Variants in NPAS3 observed in about 807,000 individuals in gnomAD.
The protein encoded by NPAS3 is neuronal PAS domain protein 3.
A neutral mutation model predicts 73.1 loss-of-function variants in NPAS3; 14 were observed. The observed-to-expected ratio is 0.19, with a 90% CI of 0.13 to 0.30. The LOEUF (loss-of-function observed/expected upper bound fraction) is 0.30, where lower values mean the gene tolerates loss of function less well. NPAS3 is among the 10% of genes least tolerant of loss of function. The probability of loss-of-function intolerance (pLI) is 1.00; values close to 1 mark genes in which losing one functional copy is unlikely to be tolerated. For missense variants in NPAS3, 1,096 were observed against 1,250.0 expected, an observed-to-expected ratio of 0.88 and a Z score of 1.86; for synonymous variants, 620 against 541.5, an observed-to-expected ratio of 1.14 and a Z score of -2.01.
chr14:33,762,852 A>T (rs1485874250), intron 7 of NPAS3, among the ~76,000 whole-genome samples: 1 of 152,254 alleles, frequency 6.6e-6, no homozygotes, highest in South Asian at 2.1e-4. Context: ...CTGAATAGAT[A>T]ATAACCTGTG....
intron 7 of NPAS3, among the ~76,000 whole-genome samples, chr14:33,756,575 A>T (rs548132654): frequency 6.6e-6 from 1 of 152,160 alleles, no homozygotes; most frequent in South Asian, 2.1e-4. Context: ...ATAACCAAAC[A>T]CTTCATCTCT....
chr14:33,307,612 T>TGTGTGTGTGTGTGTGTG (rs9322923), intron 3 of NPAS3, among the ~76,000 whole-genome samples: 3 of 149,588 alleles, frequency 2.0e-5, no homozygotes, highest in African/African-American at 2.5e-5. Context: ...TGTGTGTGTG[T>TGTGTGTGTGTGTGTGTG]TCGTGTGCGT....
intron 5 of NPAS3, among the ~76,000 whole-genome samples, chr14:33,582,975 T>TTTTTTTTTTTTG (rs2056730814): frequency 6.8e-6 from 1 of 146,222 alleles, no homozygotes; most frequent in Non-Finnish European, 1.5e-5. Context: ...AAAGGGTTTT[T>TTTTTTTTTTTTG]TTTTTTTTTT....
intron 6 of NPAS3, among the ~76,000 whole-genome samples, chr14:33,718,293 G>A (rs974920015): frequency 1.3e-5 from 2 of 151,648 alleles, no homozygotes; most frequent in Admixed American, 6.6e-5. Flanking sequence ...TATCTTGTCC[G>A]TCTTCTCTAG....
chr14:33,454,504 C>A (rs2049939199), intron 4 of NPAS3, among the ~76,000 whole-genome samples: 1 of 152,104 alleles, frequency 6.6e-6, no homozygotes, highest in South Asian at 2.1e-4. Context: ...CAGAACAACA[C>A]CAGGGATGAA....
intron 4 of NPAS3, among the ~76,000 whole-genome samples, chr14:33,480,519 CACTCT>C (rs2051265630): frequency 2.8e-4 from 34 of 123,234 alleles, no homozygotes; most frequent in South Asian, 6.4e-4. Context: ...CCCTCTCCCC[CACTCT>C]CCCCCTCCCC....
At chr14:33,738,343 C>T (rs1398338875) in intron 7 of NPAS3, among the ~76,000 whole-genome samples, 1 of 152,176 alleles carries the variant, frequency 6.6e-6, no homozygotes, top group Non-Finnish European at 1.5e-5. Context: ...CCAAGAATGG[C>T]TCAGCATGAG....
intron 5 of NPAS3, among the ~76,000 whole-genome samples, chr14:33,642,796 G>A (rs1008544830): frequency 6.6e-6 from 1 of 152,110 alleles, no homozygotes; most frequent in South Asian, 2.1e-4. Flanking sequence ...CCTCTCTTCC[G>A]GTGGTTTTGG....
chr14:33,543,961 A>G (rs1373474172), intron 4 of NPAS3, among the ~76,000 whole-genome samples: 2 of 22,120 alleles, frequency 9.0e-5, no homozygotes, highest in Admixed American at 8.5e-4. Context: ...ATATATATAT[A>G]TATATATATA....
intron 2 of NPAS3, among the ~76,000 whole-genome samples, chr14:33,094,741 C>G (rs1228093923): frequency 6.6e-6 from 1 of 152,164 alleles, no homozygotes; most frequent in Admixed American, 6.5e-5. Context: ...GCTGGGATTA[C>G]AGATGTGAGC....
At chr14:33,533,909 TTAAA>T (rs1403358055) in intron 4 of NPAS3, among the ~76,000 whole-genome samples, 1 of 152,096 alleles carries the variant, frequency 6.6e-6, no homozygotes, top group South Asian at 2.1e-4. Context: ...TGACAAATAT[TTAAA>T]TATATGACAA....
chr14:33,033,790 G>T (rs2040074300), intron 1 of NPAS3, among the ~76,000 whole-genome samples: 1 of 152,096 alleles, frequency 6.6e-6, no homozygotes, highest in Admixed American at 6.5e-5. Flanking sequence ...TACTCCTATT[G>T]TTGGTATATT....
rs1404977122 is a variant in NPAS3 at position 33,027,850 on chromosome 14, A to G, written c.51-28055A>G. ...TACTGAGAGTAATAGGCTGGATATCATGGAAATGGGAATTGGCACTAATAG... is the reference window on the plus strand; with the variant it reads ...TACTGAGAGTAATAGGCTGGATATCGTGGAAATGGGAATTGGCACTAATAG... On this transcript the variant is annotated intron_variant, in intron 1 of 11. Transcript: ENST00000356141. Among the ~76,000 whole-genome samples, 5 of 152,204 alleles carry G rather than the reference A, an allele frequency of 3.3e-5. No individual in the cohort carries two copies. In the East Asian group the frequency reaches 9.6e-4, roughly 29 times the overall value.
intron 4 of NPAS3, among the ~76,000 whole-genome samples, chr14:33,523,758 C>T (rs1240863436): frequency 3.9e-5 from 6 of 152,002 alleles, no homozygotes; most frequent in East Asian, 3.9e-4. Flanking sequence ...CCAGCCTGGG[C>T]GACAGAGCAA....
chr14:33,091,057 C>A (rs551036774), intron 2 of NPAS3, among the ~76,000 whole-genome samples: 70 of 152,272 alleles, frequency 4.6e-4, no homozygotes, highest in African/African-American at 1.3e-3. Context: ...AAAATTGACA[C>A]ACTAACATCA....
At chr14:32,990,917 C>T (rs548215693) in intron 1 of NPAS3, among the ~76,000 whole-genome samples, 5 of 150,418 alleles carry the variant, frequency 3.3e-5, no homozygotes, top group Non-Finnish European at 7.4e-5. Context: ...ACAGAGATGC[C>T]ATCTCAAAAA....
intron 2 of NPAS3, among the ~76,000 whole-genome samples, chr14:33,076,254 A>C (rs1287578709): frequency 6.6e-6 from 1 of 152,184 alleles, no homozygotes; most frequent in Non-Finnish European, 1.5e-5. Flanking sequence ...TGCATGGGAA[A>C]TTCTGTGTAA....
intron 3 of NPAS3, among the ~76,000 whole-genome samples, chr14:33,249,498 G>T (rs150800152): frequency 0.01 from 1,557 of 152,048 alleles, 11 homozygotes; most frequent in Middle Eastern, 0.031. Context: ...AGCCTCATTT[G>T]TCTGTCTAAA....
exon 6 of NPAS3, chr14:33,676,344 G>A: frequency 1.3e-6 from 2 of 1,598,902 alleles, no homozygotes; most frequent in Non-Finnish European, 1.7e-6. Context: ...GACGGAGCCA[G>A]CTCAGCATCT....
Sources: allele counts gnomAD v4.1 joint callset (sites outside exome capture counted in the v4.1 genomes callset), GRCh38; gene constraint gnomAD v4.1.1; transcripts MANE v1.5; gene names NCBI Gene and HGNC (gene_info 2026-07-23, HGNC 2026-07-21).